KIAA1217: variants seen among roughly 807,000 people sequenced by gnomAD.
KIAA1217 encodes KIAA1217, also known as sickle tail protein homolog.
In KIAA1217, 88 loss-of-function variants were observed where a neutral mutation model predicts 163.9. The observed-to-expected ratio is 0.54, with a 90% CI of 0.45 to 0.64. The LOEUF is 0.64. Among genes scored for constraint, KIAA1217 ranks in the 30% least tolerant of loss-of-function variants. KIAA1217 has a pLI of 0.00. For synonymous variants in KIAA1217, 903 were observed against 923.1 expected (o/e 0.98, Z 0.39); for missense variants, 2,372 against 2,475.0 (o/e 0.96, Z 0.88).
Position 24,489,403 on chromosome 10 carries a change from T to C in KIAA1217, c.1680-5097T>C, listed in dbSNP as rs78302806. Among the ~76,000 whole-genome samples the C allele has an allele frequency of 8.1e-4, 123 of 152,270 alleles. 2 individuals are homozygous for C. In the East Asian group the frequency reaches 0.023, roughly 29 times the overall value. On this transcript the variant is annotated intron_variant, in intron 6 of 20. Transcript: ENST00000376454. The stretch of plus-strand genomic sequence containing the variant: ...TTCTGGAAACTTAAGAACAAATCCT[T>C]TGGGATTCTTAATAGGGGAATCGCC...
At chr10:24,173,836 G>A (rs1231449901) in intron 2 of KIAA1217, among the ~76,000 whole-genome samples, 1 of 152,156 alleles carries the variant, frequency 6.6e-6, no homozygotes. Flanking sequence ...TCCAAGGACT[G>A]TGACTTCAAA....
At chr10:24,376,997 C>T (rs1468302641) in intron 2 of KIAA1217, among the ~76,000 whole-genome samples, 3 of 152,174 alleles carry the variant, frequency 2.0e-5, no homozygotes. Context: ...TCCTTTATTT[C>T]TTCCCTCATC....
intron 2 of KIAA1217, among the ~76,000 whole-genome samples, chr10:24,136,259 G>A (rs2063828274): frequency 1.3e-5 from 2 of 152,132 alleles, no homozygotes; most frequent in Non-Finnish European, 2.9e-5. Flanking sequence ...AACATAATGA[G>A]TAATTGATGC....
intron 5 of KIAA1217, among the ~76,000 whole-genome samples, chr10:24,445,976 A>G (rs376184318): frequency 3.9e-5 from 6 of 152,302 alleles, no homozygotes; most frequent in Non-Finnish European, 8.8e-5. Context: ...ACAATGGTTG[A>G]ACTAGTTTAC....
chr10:23,905,894 A>G (rs1008860892), intron 1 of KIAA1217, among the ~76,000 whole-genome samples: 2 of 152,152 alleles, frequency 1.3e-5, no homozygotes, highest in Non-Finnish European at 2.9e-5. Context: ...TACCTGAGAA[A>G]TAGCCTGAGA....
chr10:24,328,925 T>C (rs1036061929), intron 2 of KIAA1217, among the ~76,000 whole-genome samples: 8 of 151,862 alleles, frequency 5.3e-5, no homozygotes, highest in Non-Finnish European at 8.8e-5. Flanking sequence ...CTTTATAGGG[T>C]TCGCCAGTAG....
At chr10:24,526,082 C>G (rs924352072) in intron 13 of KIAA1217, among the ~76,000 whole-genome samples, 8 of 152,134 alleles carry the variant, frequency 5.3e-5, no homozygotes, top group Non-Finnish European at 7.4e-5. Flanking sequence ...TTTGTCTTTT[C>G]TACTTCTTTT....
intron 2 of KIAA1217, among the ~76,000 whole-genome samples, chr10:24,251,969 A>T (rs1393870785): frequency 6.6e-6 from 1 of 152,048 alleles, no homozygotes; most frequent in African/African-American, 2.4e-5. Flanking sequence ...CACCTGGCAT[A>T]TAGTAGATGT....
At chr10:23,927,080 G>A (rs71493356) in intron 1 of KIAA1217, among the ~76,000 whole-genome samples, 30,332 of 151,232 alleles carry the variant, frequency 0.2, 3,288 homozygotes, top group Middle Eastern at 0.27. Flanking sequence ...GCTAATTTTT[G>A]TATTTTTTGT....
At chr10:24,468,035 C>T (rs568485119) in intron 5 of KIAA1217, among the ~76,000 whole-genome samples, 2 of 152,184 alleles carry the variant, frequency 1.3e-5, no homozygotes, top group South Asian at 4.2e-4. Context: ...GTAAGAATAC[C>T]CGCAGCAAAG....
At position 24,119,552 on chromosome 10, in the gene KIAA1217, G is replaced by C. The variant is rs80266792; in HGVS notation, c.-170-100074G>C. On this transcript the variant is annotated intron_variant, in intron 2 of 18. Coordinates refer to the KIAA1217 transcript ENST00000376462. Reference sequence around the variant, plus strand: ...CTATTAGGCTGAGCTACAGCTGTGTGTGTCTTGAAGCCTCCTCAGAACTCC... The same window carrying C: ...CTATTAGGCTGAGCTACAGCTGTGTCTGTCTTGAAGCCTCCTCAGAACTCC... Among the ~76,000 whole-genome samples, 191 of 152,308 alleles carry C rather than the reference G, an allele frequency of 1.3e-3. 3 individuals carry two copies. In the East Asian group the frequency reaches 0.032, roughly 26 times the overall value.
chr10:24,531,773 C>T (rs1399154794), intron 14 of KIAA1217, 57 bp from the exon 15 acceptor site: 34 of 1,476,960 alleles, frequency 2.3e-5, no homozygotes, highest in Non-Finnish European at 3.0e-5. Context: ...ATATACCAGA[C>T]TTTCTGGATG....
At chr10:24,277,599 G>A (rs1417219482) in intron 2 of KIAA1217, among the ~76,000 whole-genome samples, 3 of 152,192 alleles carry the variant, frequency 2.0e-5, no homozygotes, top group Non-Finnish European at 4.4e-5. Context: ...ATAATAGTGA[G>A]TGAGTTCTCA....
chr10:24,042,878 T>C (rs905896449), intron 2 of KIAA1217, among the ~76,000 whole-genome samples: 1 of 152,222 alleles, frequency 6.6e-6, no homozygotes, highest in Non-Finnish European at 1.5e-5. Context: ...TAAAACCTCA[T>C]CATTAACCAG....
intron 1 of KIAA1217, among the ~76,000 whole-genome samples, chr10:23,853,121 G>A (rs1352023713): frequency 2.0e-5 from 3 of 152,114 alleles, no homozygotes; most frequent in Non-Finnish European, 1.5e-5. Flanking sequence ...TCCACTTTTT[G>A]CTCATTCAGT....
intron 1 of KIAA1217, among the ~76,000 whole-genome samples, chr10:23,726,004 C>G (rs1838109609): frequency 6.9e-6 from 1 of 145,240 alleles, no homozygotes; most frequent in African/African-American, 2.6e-5. Context: ...GTGTTCTTTC[C>G]CCCTTTCCTC....
At chr10:23,789,240 T>C (rs959190243) in intron 1 of KIAA1217, among the ~76,000 whole-genome samples, 25 of 152,224 alleles carry the variant, frequency 1.6e-4, no homozygotes, top group Non-Finnish European at 3.2e-4. Context: ...CTTTTATTTT[T>C]AATCTTTGGT....
chr10:24,239,679 G>C (rs2072792967), intron 2 of KIAA1217, among the ~76,000 whole-genome samples: 1 of 136,574 alleles, frequency 7.3e-6, no homozygotes, highest in Non-Finnish European at 1.6e-5. Flanking sequence ...CCAGATGTGT[G>C]TGTGTGTGTG....
intron 1 of KIAA1217, among the ~76,000 whole-genome samples, chr10:23,714,930 G>A (rs1363777539): frequency 6.6e-6 from 1 of 152,144 alleles, no homozygotes; most frequent in Non-Finnish European, 1.5e-5. Context: ...TAGCTCTAGA[G>A]GGAATGTGCA....
Sources: gnomAD v4.1 joint callset for allele counts (sites outside exome capture counted in the v4.1 genomes callset) on GRCh38, gnomAD v4.1.1 for gene constraint, MANE v1.5 for transcripts, NCBI Gene and HGNC (gene_info 2026-07-23, HGNC 2026-07-21) for gene names.